Variants in CNTNAP3 observed in about 807,000 individuals in gnomAD.
CNTNAP3 encodes contactin-associated protein-like 3.
In CNTNAP3, 36 loss-of-function variants were observed where a neutral mutation model predicts 92.1. The observed-to-expected ratio is 0.39, with a 90% CI of 0.30 to 0.52. The LOEUF (loss-of-function observed/expected upper bound fraction) is 0.52. CNTNAP3 is among the 20% of genes least tolerant of loss of function. The pLI is 0.76. For missense variants in CNTNAP3, 534 were observed against 1,069.6 expected (o/e 0.50, Z 6.98); for synonymous variants, 232 against 422.3 (o/e 0.55, Z 5.53).
chr9:39,066,222 C>T lies in CNTNAP3; in HGVS notation c.*7668G>A, dbSNP rs1428931473. Among the ~76,000 whole-genome samples, 1 of 152,218 alleles carries T rather than the reference C, an allele frequency of 6.6e-6. No homozygotes were observed. The highest frequency in any genetic ancestry group is 2.1e-4 in the South Asian group (1 of 4,830). On this transcript the variant is annotated 3_prime_UTR_variant, in exon 24 of 24. Coordinates refer to ENST00000297668, the MANE Select transcript of CNTNAP3 (RefSeq NM_033655.5). The stretch of plus-strand genomic sequence containing the variant: ...CTTGTAATAGCCAACTTTTAATAGG[C>T]ATTATACGACTTTACACACAGTCTA...
chr9:39,103,143 G>C (rs1453998441), intron 16 of CNTNAP3, among the ~76,000 whole-genome samples: 3 of 152,246 alleles, frequency 2.0e-5, no homozygotes, highest in African/African-American at 7.2e-5. Context: ...AAAACAATAT[G>C]TCTGGTCAAA....
chr9:39,065,824 G>A lies in CNTNAP3; in HGVS notation c.*8066C>T, dbSNP rs1383798720. On this transcript the variant is annotated 3_prime_UTR_variant, in exon 24 of 24. Transcript: ENST00000297668. Reference sequence around the variant, plus strand: ...TTTTATTTTTGCTAATTATTGAGTTGTTAAGAGTTCTTTATGAACTATATT... The same window carrying A: ...TTTTATTTTTGCTAATTATTGAGTTATTAAGAGTTCTTTATGAACTATATT... Among the ~76,000 whole-genome samples the A allele has an allele frequency of 2.0e-5, 3 of 152,048 alleles. No individual in the cohort carries two copies. Among genetic ancestry groups the A allele is most frequent in the East Asian group, 3.8e-4 (2 of 5,198 alleles).
At chr9:39,135,012 G>A (rs1326597431) in intron 12 of CNTNAP3, among the ~76,000 whole-genome samples, 1 of 152,168 alleles carries the variant, frequency 6.6e-6, no homozygotes, top group Non-Finnish European at 1.5e-5. Context: ...TCAGTACTGA[G>A]AAGGGAACTG....
chr9:39,109,113 CA>C (rs750451852), intron 15 of CNTNAP3, 46 bp downstream of exon 15: 14 of 1,588,460 alleles, frequency 8.8e-6, no homozygotes, highest in South Asian at 2.3e-5. Flanking sequence ...CTTTTATAAC[CA>C]AAAAAAGTTA....
chr9:39,206,986 C>T (rs910695325), intron 3 of CNTNAP3, among the ~76,000 whole-genome samples: 2 of 42 alleles, frequency 0.048, no homozygotes, highest in African/African-American at 0.083. Context: ...TTACAAGTTG[C>T]GCTTGCTAGG....
At chr9:39,087,281 G>A (rs1261614067) in intron 19 of CNTNAP3, among the ~76,000 whole-genome samples, 1 of 152,260 alleles carries the variant, frequency 6.6e-6, no homozygotes, top group East Asian at 1.9e-4. Context: ...TCACTGATAT[G>A]TGCATAAAGA....
chr9:39,113,623 CTT>C (rs1263796930), intron 14 of CNTNAP3, among the ~76,000 whole-genome samples: 2 of 151,884 alleles, frequency 1.3e-5, no homozygotes, highest in African/African-American at 2.4e-5. Context: ...TTTATTTCCT[CTT>C]GTGTCTTTAA....
intron 14 of CNTNAP3, among the ~76,000 whole-genome samples, chr9:39,113,874 C>G (rs1343562896): frequency 1.3e-5 from 2 of 151,486 alleles, no homozygotes; most frequent in East Asian, 3.9e-4. Context: ...TTCTTACCTG[C>G]TTCACTTACT....
intron 18 of CNTNAP3, among the ~76,000 whole-genome samples, chr9:39,091,102 A>G (rs1234304577): frequency 6.6e-6 from 1 of 151,944 alleles, no homozygotes; most frequent in East Asian, 1.9e-4. Context: ...ATTTTTTTAT[A>G]TAAAAAATCA....
At chr9:39,159,393 C>T (rs1587738547) in intron 9 of CNTNAP3, 3 of 130,528 alleles carry the variant, frequency 2.3e-5, no homozygotes, top group Non-Finnish European at 3.3e-5. Flanking sequence ...TTTTAAAAAA[C>T]ATTTTATATA....
intron 18 of CNTNAP3, among the ~76,000 whole-genome samples, chr9:39,096,788 C>A (rs984843247): frequency 2.0e-5 from 3 of 151,492 alleles, no homozygotes; most frequent in African/African-American, 7.3e-5. Flanking sequence ...TATGATTTTT[C>A]TCTTACTGCT....
chr9:39,103,982 T>C (rs1213855889), intron 15 of CNTNAP3, 68 bp from the exon 16 acceptor site: 1 of 1,502,034 alleles, frequency 6.7e-7, no homozygotes, highest in African/African-American at 1.4e-5. Context: ...CTACATTTGA[T>C]ACTTACAGGA....
Position 39,085,705 on chromosome 9 carries a change from T to A in CNTNAP3, c.3442+31A>T, listed in dbSNP as rs369994235. 4,652 of 1,453,206 alleles carry A rather than the reference T, an allele frequency of 3.2e-3. 724 individuals are homozygous for A. Among genetic ancestry groups the A allele is most frequent in the Non-Finnish European group, 4.0e-3 (4,279 of 1,062,636 alleles). The allele number at this position is 1,453,206 out of a possible 1,614,324, so 90.0% of individuals were successfully genotyped here. A position where few individuals can be genotyped will look rare whatever the true frequency, so the allele number is the denominator to read the frequency against. Reference sequence around the variant, plus strand: ...CTTCCAGAGTTTGTGACATGACACTTATTTGGGAAAAAGCTCTTTCTCCTA... The same window carrying A: ...CTTCCAGAGTTTGTGACATGACACTAATTTGGGAAAAAGCTCTTTCTCCTA... On this transcript the variant is annotated intron_variant, in intron 21 of 23. Coordinates refer to ENST00000297668, the MANE Select transcript of CNTNAP3 (RefSeq NM_033655.5).
At chr9:39,088,903 ATCC>A (rs1361735332) in intron 18 of CNTNAP3, among the ~76,000 whole-genome samples, 1 of 152,224 alleles carries the variant, frequency 6.6e-6, no homozygotes, top group Admixed American at 6.5e-5. Context: ...TCTCCAAATC[ATCC>A]TCATCTTATA....
In CNTNAP3 at chr9:39,095,763, ATATCT is replaced by A. The variant is rs986202251; in HGVS notation, c.2995+4143_2995+4147del. ...TGATTGCTCTAAGCTTGCATTATAT[ATATCT>A]TATCAATAATCTGCTTCAGGTTTAC... On this transcript the variant is annotated intron_variant, in intron 18 of 23. Transcript: ENST00000297668. Among the ~76,000 whole-genome samples the A allele has an allele frequency of 8.3e-4, 120 of 144,176 alleles. 1 individual carries two copies. Among genetic ancestry groups the A allele is most frequent in the African/African-American group, 2.8e-3 (113 of 39,752 alleles). 94.6% of individuals were successfully genotyped at this position (144,176 alleles called of 152,430 possible). A position where few individuals can be genotyped will look rare whatever the true frequency, so the allele number is the denominator to read the frequency against.
intron 18 of CNTNAP3, among the ~76,000 whole-genome samples, chr9:39,091,982 A>T (rs1166372153): frequency 6.6e-6 from 1 of 151,266 alleles, no homozygotes; most frequent in Non-Finnish European, 1.5e-5. Flanking sequence ...TTTTGTAGTT[A>T]GTGTCATCCT....
intron 10 of CNTNAP3, among the ~76,000 whole-genome samples, chr9:39,148,805 G>A (rs1227102476): frequency 1.1e-4 from 17 of 152,186 alleles, no homozygotes; most frequent in South Asian, 2.1e-4. Context: ...GATTACAGGC[G>A]TGAGCCACGG....
At chr9:39,137,528 T>A (rs1450228496) in intron 12 of CNTNAP3, among the ~76,000 whole-genome samples, 3 of 152,204 alleles carry the variant, frequency 2.0e-5, no homozygotes, top group Admixed American at 6.5e-5. Flanking sequence ...TTTTGGTTTT[T>A]TTGAGACAAA....
intron 11 of CNTNAP3, among the ~76,000 whole-genome samples, chr9:39,142,752 A>G (rs12379320): frequency 0.18 from 26,656 of 151,832 alleles, 2,773 homozygotes; most frequent in East Asian, 0.31. Context: ...TCATGCTTCA[A>G]TCTGTGAGAG....
Sources: gnomAD v4.1 joint callset for allele counts (sites outside exome capture counted in the v4.1 genomes callset) on GRCh38, gnomAD v4.1.1 for gene constraint, MANE v1.5 for transcripts, NCBI Gene and HGNC (gene_info 2026-07-23, HGNC 2026-07-21) for gene names.